TDRD10: variants seen among roughly 807,000 people sequenced by gnomAD.
TDRD10 encodes tudor domain containing 10.
A neutral mutation model predicts 48.0 loss-of-function variants in TDRD10; 40 were observed. The ratio of observed to expected loss-of-function variants is 0.83; its 90% CI spans 0.65 to 1.09. The LOEUF is 1.09. Ranked by LOEUF, TDRD10 falls within the 50% of genes least tolerant of loss-of-function variation. TDRD10 has a pLI of 0.00. For missense variants in TDRD10, 378 were observed against 434.7 expected, an observed-to-expected ratio of 0.87 and a Z score of 1.16; for synonymous variants, 162 against 170.4, an observed-to-expected ratio of 0.95 and a Z score of 0.38.
intron 6 of TDRD10, among the ~76,000 whole-genome samples, chr1:154,537,376 C>T (rs1433107830): frequency 6.6e-6 from 1 of 152,216 alleles, no homozygotes; most frequent in East Asian, 1.9e-4. Flanking sequence ...GAGGAGCCCA[C>T]GCAGAGGTCT....
chr1:154,544,895 A>G lies in TDRD10; in HGVS notation c.898A>G (p.Ser300Gly), dbSNP rs201425979. The G allele has an allele frequency of 4.9e-5, 79 of 1,614,214 alleles. No individual in the cohort carries two copies. The East Asian group carries it at 1.5e-3, about 30-fold the overall frequency. The change falls in exon 11 of 13, where the codon AGC becomes GGC. Residue 300 changes from serine to glycine, a missense_variant. Physicochemically the swap from Ser to Gly is moderately conservative, Grantham distance 56 (BLOSUM62 0). This residue lies in a region of TDRD10 where 68 missense variants were observed against 111.1 expected (regional missense o/e 0.61). Transcript: ENST00000368482. ...IPVQSLRSLD[S>G]DDFWTIPPLT... ...TGTGCAGTCTCTGCGCAGCCTAGAC[A>G]GCGACGACTTCTGGACCATCCCACC...
rs928976835 is a variant in TDRD10 at position 154,542,937 on chromosome 1, G to A, written c.503+116G>A. On this transcript the variant is annotated intron_variant, in intron 8 of 12. Transcript: ENST00000368482. ...TGGGGGATAGTTTTCGGGAACTCCT[G>A]TGTCAGACCCAGGCTGTAAGGCTGT... 9 of 758,996 alleles carry A rather than the reference G, an allele frequency of 1.2e-5. No homozygotes were observed. The Admixed American group carries it at 1.3e-4, about 11-fold the overall frequency. The allele number at this position is 758,996 out of a possible 1,614,324, so 47.0% of individuals were successfully genotyped here. A position where few individuals can be genotyped will look rare whatever the true frequency, so the allele number is the denominator to read the frequency against.
chr1:154,508,565 G>A (rs1234101653), intron 4 of TDRD10, 84 bp downstream of exon 4: 1 of 936,786 alleles, frequency 1.1e-6, no homozygotes, highest in Non-Finnish European at 1.8e-6. Flanking sequence ...AATTTCCCCA[G>A]TTTTTAAAGA....
chr1:154,516,397 A>T (rs1693770780), intron 4 of TDRD10, among the ~76,000 whole-genome samples: 1 of 152,064 alleles, frequency 6.6e-6, no homozygotes, highest in Non-Finnish European at 1.5e-5. Context: ...CAAGTCTTCC[A>T]CATAGGGGGA....
intron 1 of TDRD10, among the ~76,000 whole-genome samples, chr1:154,503,512 C>T (rs376256211): frequency 2.0e-5 from 3 of 152,068 alleles, no homozygotes; most frequent in East Asian, 1.9e-4. Flanking sequence ...CGCTTGAACC[C>T]GGGAGGCGCA....
Position 154,547,479 on chromosome 1 carries a change from G to A in TDRD10, c.1023G>A (p.Ala341=), listed in dbSNP as rs1162391854. The A allele has an allele frequency of 7.4e-6, 12 of 1,614,048 alleles. No individual in the cohort carries two copies. Among genetic ancestry groups the A allele is most frequent in the South Asian group, 3.3e-5 (3 of 91,078 alleles). ...AAATCACTGGTGCTTTGAACTCGGC[G>A]GTAACTGCTCCTGCATCTAACTTGG... ...KGKITGALNS[A]LHILKFEESK The change falls in exon 12 of 13, where the codon GCG becomes GCA. Residue 341 remains alanine (A), a splice_region_variant and synonymous_variant. Transcript: ENST00000368482.
chr1:154,526,350 G>A (rs1487397821), intron 6 of TDRD10, among the ~76,000 whole-genome samples: 1 of 151,990 alleles, frequency 6.6e-6, no homozygotes, highest in African/African-American at 2.4e-5. Context: ...ACTCCAGCCT[G>A]GGCAACAGAG....
chr1:154,536,242 G>A (rs1311927929), intron 6 of TDRD10, among the ~76,000 whole-genome samples: 1 of 152,190 alleles, frequency 6.6e-6, no homozygotes, highest in African/African-American at 2.4e-5. Flanking sequence ...TGGGCGTGGT[G>A]GCACATGCCT....
At chr1:154,523,611 C>T (rs1170241052) in intron 6 of TDRD10, among the ~76,000 whole-genome samples, 1 of 152,222 alleles carries the variant, frequency 6.6e-6, no homozygotes, top group African/African-American at 2.4e-5. Context: ...ACCATTTCTT[C>T]ATTATTCAAT....
intron 6 of TDRD10, among the ~76,000 whole-genome samples, chr1:154,523,535 G>A (rs895273718): frequency 2.6e-5 from 4 of 152,142 alleles, no homozygotes; most frequent in African/African-American, 7.2e-5. Context: ...TAGTAGCAAG[G>A]CTCTACAGCC....
intron 6 of TDRD10, among the ~76,000 whole-genome samples, chr1:154,528,772 C>T (rs1195826701): frequency 8.5e-6 from 1 of 117,024 alleles, no homozygotes; most frequent in African/African-American, 2.9e-5. Flanking sequence ...GCTGAGATTG[C>T]ACCACTGCAG....
chr1:154,531,014 T>C (rs928570044), intron 6 of TDRD10, among the ~76,000 whole-genome samples: 5 of 151,902 alleles, frequency 3.3e-5, no homozygotes, highest in African/African-American at 1.2e-4. Context: ...AATTTTTTTG[T>C]ATTTTTAGTA....
chr1:154,532,367 T>C (rs7556013), intron 6 of TDRD10, among the ~76,000 whole-genome samples: 139,780 of 152,202 alleles, frequency 0.92, 65,413 homozygotes, highest in East Asian at 1. Flanking sequence ...GGGGCCGCTC[T>C]GAGTGCGGCC....
intron 6 of TDRD10, among the ~76,000 whole-genome samples, chr1:154,527,107 C>T (rs753157671): frequency 6.6e-6 from 1 of 151,454 alleles, no homozygotes; most frequent in Non-Finnish European, 1.5e-5. Flanking sequence ...GACAGGATTT[C>T]GCCATGTTGG....
At chr1:154,508,589 T>C (rs2149312220) in intron 4 of TDRD10, 108 bp downstream of exon 4, 1 of 779,554 alleles carries the variant, frequency 1.3e-6, no homozygotes, top group African/African-American at 1.7e-5. Flanking sequence ...TTGAGAGCTA[T>C]GATAGTGCAG....
chr1:154,544,307 C>T (rs1022535287), intron 9 of TDRD10, 65 bp from the exon 10 acceptor site: 24 of 1,547,704 alleles, frequency 1.6e-5, no homozygotes, highest in South Asian at 2.4e-5. Context: ...TAACAGGTGA[C>T]GTCTACGGAG....
chr1:154,537,861 G>A (rs1247195716), intron 6 of TDRD10, among the ~76,000 whole-genome samples: 1 of 152,152 alleles, frequency 6.6e-6, no homozygotes, highest in Non-Finnish European at 1.5e-5. Context: ...CAAAGTAAAG[G>A]GATAATTAAG....
chr1:154,522,371 C>T lies in TDRD10; in HGVS notation c.369+892C>T, dbSNP rs562407276. Among the ~76,000 whole-genome samples the T allele has an allele frequency of 3.9e-5, 6 of 152,240 alleles. No homozygotes were observed. The South Asian group carries it at 1.2e-3, about 32-fold the overall frequency. ...GAGAGATGTAGTTTTAAAAGATAGA[C>T]ACATTGTTGCTAAACTTGGGGTTCT... On this transcript the variant is annotated intron_variant, in intron 6 of 12. Transcript: ENST00000368482.
intron 6 of TDRD10, among the ~76,000 whole-genome samples, chr1:154,524,996 A>G (rs1276568555): frequency 6.6e-6 from 1 of 152,060 alleles, no homozygotes; most frequent in East Asian, 1.9e-4. Context: ...GTTGCTGCCC[A>G]ATGAGACTGC....
Sources: gnomAD v4.1 joint callset for allele counts (sites outside exome capture counted in the v4.1 genomes callset) on GRCh38, gnomAD v4.1.1 for gene constraint, gnomAD v4.1.1 regional missense constraint, MANE v1.5 for transcripts, NCBI Gene and HGNC (gene_info 2026-07-23, HGNC 2026-07-21) for gene names.